Variants in MIR2052HG observed in about 807,000 individuals in gnomAD.
The protein encoded by MIR2052HG is MIR2052 host gene.
chr8:74,668,816 G>C (rs186570833), intron 2 of MIR2052HG, among the ~76,000 whole-genome samples: 1 of 152,276 alleles, frequency 6.6e-6, no homozygotes, highest in South Asian at 2.1e-4. Flanking sequence ...TCAAGTGAGG[G>C]GCTTTGGAGG....
intron 4 of MIR2052HG, among the ~76,000 whole-genome samples, chr8:74,709,120 G>A (rs1177843886): frequency 6.6e-6 from 1 of 152,144 alleles, no homozygotes; most frequent in East Asian, 1.9e-4. Context: ...TAAGTGTTGA[G>A]TGAGCTAATT....
chr8:74,710,372 C>A (rs900841820), intron 4 of MIR2052HG, among the ~76,000 whole-genome samples: 1 of 152,106 alleles, frequency 6.6e-6, no homozygotes, highest in African/African-American at 2.4e-5. Context: ...TTGCAAATTT[C>A]ATTTTCAACT....
chr8:74,703,559 T>C (rs1240980733), intron 3 of MIR2052HG: 2 of 414,188 alleles, frequency 4.8e-6, no homozygotes, highest in African/African-American at 2.1e-5. Flanking sequence ...TCCCCCTTCA[T>C]GATGGGATTA....
At chr8:74,678,312 A>G (rs1320429620) in intron 2 of MIR2052HG, among the ~76,000 whole-genome samples, 1 of 152,198 alleles carries the variant, frequency 6.6e-6, no homozygotes, top group East Asian at 1.9e-4. Flanking sequence ...TAATTCTAGC[A>G]CTTTGGGAGG....
chr8:74,709,711 G>A (rs1239577880), intron 4 of MIR2052HG, among the ~76,000 whole-genome samples: 2 of 152,054 alleles, frequency 1.3e-5, no homozygotes, highest in Non-Finnish European at 2.9e-5. Context: ...ACATTACTTA[G>A]CAGTTATTAA....
chr8:74,739,430 G>A (rs1809803957), intron 4 of MIR2052HG, among the ~76,000 whole-genome samples: 1 of 152,136 alleles, frequency 6.6e-6, no homozygotes. Context: ...CTTCCGAGTT[G>A]TGATAAGTAT....
At chr8:74,707,725 C>G (rs1219510573) in intron 4 of MIR2052HG, among the ~76,000 whole-genome samples, 1 of 152,068 alleles carries the variant, frequency 6.6e-6, no homozygotes, top group Non-Finnish European at 1.5e-5. Context: ...TTCAGTTAAA[C>G]TGTTGAGTGG....
chr8:74,699,266 T>C (rs1809332880), intron 2 of MIR2052HG, among the ~76,000 whole-genome samples: 3 of 152,042 alleles, frequency 2.0e-5, no homozygotes, highest in Admixed American at 2.0e-4. Context: ...GGGTATCTAC[T>C]CAGAGAAAAA....
In MIR2052HG at chr8:74,740,229, C is replaced by T. The variant is rs985433634; in HGVS notation, n.372-12212C>T. ...CTGTAATCCCAGTACTTTGAGAGGC[C>T]GAGGCAGGTGGATCATCTGAGGTCA... On this transcript the variant is annotated intron_variant and non_coding_transcript_variant, in intron 4 of 6. Transcript: ENST00000523442. Among the ~76,000 whole-genome samples the T allele has an allele frequency of 1.2e-4, 18 of 152,136 alleles. 1 individual carries two copies. Among genetic ancestry groups the T allele is most frequent in the Admixed American group, 6.5e-4 (10 of 15,272 alleles).
At chr8:74,683,914 C>T (rs1809152044) in intron 2 of MIR2052HG, among the ~76,000 whole-genome samples, 1 of 152,074 alleles carries the variant, frequency 6.6e-6, no homozygotes, top group South Asian at 2.1e-4. Flanking sequence ...ACAATTCACT[C>T]CTACCTCAAG....
chr8:74,639,904 C>A (rs941242595), intron 2 of MIR2052HG, among the ~76,000 whole-genome samples: 4 of 152,038 alleles, frequency 2.6e-5, no homozygotes, highest in African/African-American at 9.7e-5. Context: ...GGAATGACAT[C>A]GTTACACACT....
rs1043860844 is a variant in MIR2052HG, at chr8:74,600,640, A to G, written n.128+732A>G. The stretch of plus-strand genomic sequence containing the variant: ...CAGCAGGCTGGAGTGCGGTGGCACA[A>G]TCTTGGCTCACTGCAACCTCTGCCT... On this transcript the variant is annotated intron_variant and non_coding_transcript_variant, in intron 1 of 6. Coordinates refer to ENST00000523442, the Ensembl canonical transcript of MIR2052HG. Among the ~76,000 whole-genome samples, 5 of 151,328 alleles carry G rather than the reference A, an allele frequency of 3.3e-5. No individual in the cohort carries two copies. In the South Asian group the frequency reaches 6.3e-4, roughly 19 times the overall value.
intron 2 of MIR2052HG, among the ~76,000 whole-genome samples, chr8:74,673,994 T>C (rs1048141974): frequency 6.7e-6 from 1 of 150,144 alleles, no homozygotes; most frequent in Non-Finnish European, 1.5e-5. Flanking sequence ...AGAGAAGCCT[T>C]TTTTTATGTT....
intron 4 of MIR2052HG, among the ~76,000 whole-genome samples, chr8:74,722,693 G>A (rs564618358): frequency 1.3e-5 from 2 of 152,186 alleles, no homozygotes; most frequent in South Asian, 2.1e-4. Context: ...TCTTAATTAC[G>A]ACCATAACAA....
intron 2 of MIR2052HG, among the ~76,000 whole-genome samples, chr8:74,646,019 A>G (rs1405060089): frequency 6.6e-6 from 1 of 152,200 alleles, no homozygotes; most frequent in Non-Finnish European, 1.5e-5. Flanking sequence ...ATGAGCACCT[A>G]CTTATTTGCA....
chr8:74,601,962 A>T lies in MIR2052HG; in HGVS notation n.128+2054A>T, dbSNP rs1050862421. Among the ~76,000 whole-genome samples the T allele has an allele frequency of 9.9e-5, 15 of 152,236 alleles. 1 individual carries two copies. Among genetic ancestry groups the T allele is most frequent in the African/African-American group, 3.1e-4 (13 of 41,460 alleles). The stretch of plus-strand genomic sequence containing the variant: ...TGTATTTTAGAACTTCTACTCTAGT[A>T]AATTTTAATTAGTTTTCACACTTGA... On this transcript the variant is annotated intron_variant and non_coding_transcript_variant, in intron 1 of 6. Transcript: ENST00000523442.
chr8:74,621,883 A>G (rs944632556), intron 2 of MIR2052HG, among the ~76,000 whole-genome samples: 8 of 152,198 alleles, frequency 5.3e-5, no homozygotes, highest in African/African-American at 9.6e-5. Context: ...ATCTTACACC[A>G]TGTACAAAAA....
At chr8:74,752,467 C>A (rs1189023393) in exon 5 of MIR2052HG, 1 of 455,976 alleles carries the variant, frequency 2.2e-6, no homozygotes, top group Non-Finnish European at 4.4e-6. Context: ...GCCACCAGAT[C>A]AACACATTCT....
intron 4 of MIR2052HG, among the ~76,000 whole-genome samples, chr8:74,751,509 T>C (rs1201171264): frequency 1.3e-5 from 2 of 152,192 alleles, no homozygotes; most frequent in Non-Finnish European, 2.9e-5. Flanking sequence ...TACGTATTAA[T>C]TGGTTGATGA....
Sources: gnomAD v4.1 joint callset for allele counts (sites outside exome capture counted in the v4.1 genomes callset) on GRCh38, gnomAD v4.1.1 for gene constraint, MANE v1.5 for transcripts, NCBI Gene and HGNC (gene_info 2026-07-23, HGNC 2026-07-21) for gene names.